PAH: variants seen among roughly 807,000 people sequenced by gnomAD.
PAH encodes the protein phenylalanine hydroxylase.
PAH carries 64 observed loss-of-function variants against 62.0 expected under a neutral mutation model. The ratio of observed to expected loss-of-function variants is 1.03; its 90% confidence interval spans 0.84 to 1.27. PAH has a LOEUF of 1.27. Among genes scored for constraint, PAH ranks in the 50% most tolerant of loss-of-function variants. The pLI is 0.00. For missense variants in PAH, 579 were observed against 542.8 expected (o/e 1.07, Z -0.66); for synonymous variants, 195 against 196.2 (o/e 0.99, Z 0.05).
At chr12:102,848,328 AG>A in intron 8 of PAH, among the ~76,000 whole-genome samples, 1 of 88,930 alleles carries the variant, frequency 1.1e-5, no homozygotes, top group South Asian at 2.9e-4. Context: ...GGAGAGGTGG[AG>A]GGTAGACAGG....
chr12:102,883,759 A>C (rs1056475032), intron 3 of PAH, among the ~76,000 whole-genome samples: 7 of 152,204 alleles, frequency 4.6e-5, no homozygotes, highest in African/African-American at 1.7e-4. Context: ...GAAAAGGTCC[A>C]AAACACAGCC....
intron 1 of PAH, among the ~76,000 whole-genome samples, chr12:102,934,466 T>G (rs151037591): frequency 0.014 from 2,056 of 152,150 alleles, 26 homozygotes; most frequent in Non-Finnish European, 0.021. Flanking sequence ...AAGAATGTCA[T>G]TGATATTTTG....
chr12:102,882,574 ATG>A (rs980897835), intron 3 of PAH, among the ~76,000 whole-genome samples: 75 of 143,098 alleles, frequency 5.2e-4, no homozygotes, highest in Non-Finnish European at 1.1e-3. Context: ...ATATGTGTGT[ATG>A]TATATATACA....
intron 3 of PAH, among the ~76,000 whole-genome samples, chr12:102,883,000 G>A (rs547168506): frequency 6.6e-6 from 1 of 152,150 alleles, no homozygotes; most frequent in South Asian, 2.1e-4. Flanking sequence ...GGAGGGAGGA[G>A]GAAAGAACAG....
upstream of PAH, among the ~76,000 whole-genome samples, chr12:102,920,282 G>A (rs1225504917): frequency 1.3e-5 from 2 of 152,184 alleles, no homozygotes; most frequent in Non-Finnish European, 2.9e-5. Flanking sequence ...AATGCAATGT[G>A]CTGCTATAAT....
At chr12:102,941,756 G>A (rs1433952855) in intron 1 of PAH, among the ~76,000 whole-genome samples, 1 of 152,018 alleles carries the variant, frequency 6.6e-6, no homozygotes, top group Non-Finnish European at 1.5e-5. Flanking sequence ...ATATTCCTGG[G>A]ATGCAATGTT....
chr12:102,955,189 T>G (rs1366496997), upstream of PAH, among the ~76,000 whole-genome samples: 1 of 152,068 alleles, frequency 6.6e-6, no homozygotes, highest in Non-Finnish European at 1.5e-5. Flanking sequence ...CATTTCATGG[T>G]GTGTGTAGGG....
chr12:102,922,782 G>A (rs1196090090), intron 1 of PAH, among the ~76,000 whole-genome samples: 3 of 152,114 alleles, frequency 2.0e-5, no homozygotes, highest in Non-Finnish European at 4.4e-5. Flanking sequence ...TGAGTCAAAG[G>A]ACATGAGAAT....
upstream of PAH, among the ~76,000 whole-genome samples, chr12:102,954,969 A>G (rs1414386812): frequency 6.6e-6 from 1 of 152,146 alleles, no homozygotes; most frequent in Non-Finnish European, 1.5e-5. Flanking sequence ...TTTGCAAAGC[A>G]TGTAAGGAAG....
At chr12:102,895,868 AAATAT>A (rs1214149723) in intron 2 of PAH, among the ~76,000 whole-genome samples, 28 of 136,192 alleles carry the variant, frequency 2.1e-4, no homozygotes, top group East Asian at 1.2e-3. Context: ...AAAAAAAAAA[AAATAT>A]ATATATATAT....
chr12:102,852,185 T>C, intron 7 of PAH: 1 of 216,860 alleles, frequency 4.6e-6, no homozygotes, highest in Non-Finnish European at 9.3e-6. Flanking sequence ...ACAGTGCTGC[T>C]CTTCTGTTAG....
At position 102,948,994 on chromosome 12, in the gene PAH, T is replaced by C. The variant is rs556550661; in HGVS notation, c.-96+1595A>G. Among the ~76,000 whole-genome samples the C allele has an allele frequency of 1.4e-4, 22 of 152,210 alleles. No homozygotes were observed. In the South Asian group the frequency reaches 4.6e-3, roughly 32 times the overall value. On this transcript the variant is annotated intron_variant, in intron 1 of 3. Transcript: ENST00000546844. ...AGTCCTGAATGAATCAAGTTGCAAATGTTCGCAGTCCCAGCTGCAGTTTGC... is the reference window on the plus strand; with the variant it reads ...AGTCCTGAATGAATCAAGTTGCAAACGTTCGCAGTCCCAGCTGCAGTTTGC...
At position 102,899,298 on chromosome 12, in the gene PAH, AAAG is replaced by A. The variant is rs536524174; in HGVS notation, c.169-4383_169-4381del. Among the ~76,000 whole-genome samples, 347 of 152,274 alleles carry A rather than the reference AAAG, an allele frequency of 2.3e-3. 1 individual carries two copies. Among genetic ancestry groups the A allele is most frequent in the South Asian group, 0.015 (73 of 4,806 alleles). Reference sequence around the variant, plus strand: ...GGAGAGTTTTGGAAGGGAGGGGAGCAAAGAAGAAGTTCTGGGAAGCAGACCATA... The same window carrying A: ...GGAGAGTTTTGGAAGGGAGGGGAGCAAAGAAGTTCTGGGAAGCAGACCATA... On this transcript the variant is annotated intron_variant, in intron 2 of 12. Coordinates refer to ENST00000553106, the MANE Select transcript of PAH (RefSeq NM_000277.3).
chr12:102,849,141 T>C (rs1405815325), intron 8 of PAH, among the ~76,000 whole-genome samples: 2 of 152,176 alleles, frequency 1.3e-5, no homozygotes, highest in African/African-American at 4.8e-5. Flanking sequence ...ATGGTCAGAC[T>C]CTACACATAT....
chr12:102,958,426 A>G, upstream of PAH: 1 of 1,548,038 alleles, frequency 6.5e-7, no homozygotes. Flanking sequence ...CAGCAGCAGC[A>G]GCAGGCGCCG....
intron 4 of PAH, 124 bp downstream of exon 4, chr12:102,877,338 A>G: frequency 1.2e-6 from 1 of 809,710 alleles, no homozygotes. Flanking sequence ...TGTAAATAGG[A>G]ACACAATAAG....
chr12:102,908,837 CTTT>C (rs3062641), intron 2 of PAH, among the ~76,000 whole-genome samples: 3 of 120,002 alleles, frequency 2.5e-5, no homozygotes, highest in Non-Finnish European at 3.4e-5. Flanking sequence ...CCTCATGTCT[CTTT>C]TTTTTTTTTT....
intron 3 of PAH, among the ~76,000 whole-genome samples, chr12:102,884,720 C>T (rs983825318): frequency 1.3e-5 from 2 of 152,144 alleles, no homozygotes; most frequent in Admixed American, 6.5e-5. Context: ...CCACTAGAGG[C>T]CAAGCCAGTC....
rs1877168671 is a variant in PAH at position 102,889,211 on chromosome 12, T to G, written c.352+5524A>C. On this transcript the variant is annotated intron_variant, in intron 3 of 12. Transcript: ENST00000553106. ...CAATCCCAGGGGCTTTTCAGAGCCCTCTAAGGAATCCTATCCTCCCTTCAA... is the reference window on the plus strand; with the variant it reads ...CAATCCCAGGGGCTTTTCAGAGCCCGCTAAGGAATCCTATCCTCCCTTCAA... Among the ~76,000 whole-genome samples the G allele has an allele frequency of 2.6e-5, 4 of 152,274 alleles. No homozygotes were observed. The South Asian group carries it at 8.3e-4, about 32-fold the overall frequency.
Sources: allele counts gnomAD v4.1 joint callset (sites outside exome capture counted in the v4.1 genomes callset), GRCh38; gene constraint gnomAD v4.1.1; transcripts MANE v1.5; gene names NCBI Gene and HGNC (gene_info 2026-07-23, HGNC 2026-07-21).